The following RAF1 variants were observed in gnomAD, a reference collection of about 807,000 sequenced individuals.
RAF1 encodes the protein RAF proto-oncogene serine/threonine-protein kinase.
A neutral mutation model predicts 81.1 loss-of-function variants in RAF1; 27 were observed. That is an observed-to-expected ratio of 0.33 (90% confidence interval 0.25 to 0.46). The LOEUF is 0.46. RAF1 is among the 20% of genes least tolerant of loss of function. The probability of loss-of-function intolerance (pLI) is 1.00; values close to 1 mark genes in which losing one functional copy is unlikely to be tolerated. For missense variants in RAF1, 598 were observed against 826.0 expected (o/e 0.72, Z 3.38); for synonymous variants, 298 against 294.0 (o/e 1.01, Z -0.14).
At chr3:12,603,811 A>T (rs962288775) in intron 7 of RAF1, among the ~76,000 whole-genome samples, 1 of 152,176 alleles carries the variant, frequency 6.6e-6, no homozygotes, top group Non-Finnish European at 1.5e-5. Context: ...CATCACTGTT[A>T]ATTTCTGTCC....
intron 1 of RAF1, among the ~76,000 whole-genome samples, chr3:12,656,916 GAA>G (rs2060711709): frequency 6.6e-6 from 1 of 150,930 alleles, no homozygotes; most frequent in African/African-American, 2.4e-5. Context: ...AGAATCACTT[GAA>G]CCCGGGAGAC....
intron 7 of RAF1, chr3:12,603,657 G>C (rs1471611597): frequency 1.8e-6 from 1 of 551,160 alleles, no homozygotes; most frequent in East Asian, 2.9e-5. Context: ...TAACCAAAAA[G>C]CCAAGAGAAG....
intron 2 of RAF1, 81 bp from the exon 3 acceptor site, chr3:12,612,143 G>C: frequency 1.8e-6 from 2 of 1,087,786 alleles, no homozygotes; most frequent in Non-Finnish European, 2.8e-6. Flanking sequence ...AAATGCACCA[G>C]TCTGTATTGC....
At chr3:12,585,344 T>C in intron 15 of RAF1, 91 bp from the exon 15 acceptor site, 1 of 1,586,328 alleles carries the variant, frequency 6.3e-7, no homozygotes, top group South Asian at 1.1e-5. Context: ...TTTCATTAGT[T>C]ATGAATGAGT....
At chr3:12,644,206 A>C (rs778070032) in intron 1 of RAF1, among the ~76,000 whole-genome samples, 75 of 152,338 alleles carry the variant, frequency 4.9e-4, no homozygotes, top group Non-Finnish European at 7.9e-4. Context: ...CAATTATTAA[A>C]AACTTACTAC....
At chr3:12,620,784 T>G (rs2059533687) in intron 1 of RAF1, among the ~76,000 whole-genome samples, 3 of 152,284 alleles carry the variant, frequency 2.0e-5, no homozygotes, top group African/African-American at 7.2e-5. Flanking sequence ...CTTTCTTTTT[T>G]GGACACAGAA....
intron 2 of RAF1, among the ~76,000 whole-genome samples, chr3:12,617,909 A>G (rs1255463376): frequency 1.3e-5 from 2 of 151,730 alleles, no homozygotes; most frequent in South Asian, 4.2e-4. Context: ...AAAAAGAAAA[A>G]GAAATTTTCT....
At chr3:12,603,783 A>G (rs2058938770) in intron 7 of RAF1, among the ~76,000 whole-genome samples, 1 of 152,268 alleles carries the variant, frequency 6.6e-6, no homozygotes, top group South Asian at 2.1e-4. Context: ...AAAGTCTTCC[A>G]GAGAATCTGT....
intron 1 of RAF1, among the ~76,000 whole-genome samples, chr3:12,655,509 A>C (rs1559493331): frequency 6.6e-6 from 1 of 152,244 alleles, no homozygotes; most frequent in Non-Finnish European, 1.5e-5. Context: ...TGTGCAAAAC[A>C]GTTTGGCAGT....
intron 5 of RAF1, chr3:12,608,510 C>A: frequency 1.9e-6 from 1 of 522,234 alleles, no homozygotes; most frequent in South Asian, 2.2e-5. Context: ...CCTTTCCTTA[C>A]TGAATCACAG....
intron 1 of RAF1, among the ~76,000 whole-genome samples, chr3:12,636,293 C>CA (rs202175442): frequency 0.26 from 35,656 of 138,660 alleles, 5,208 homozygotes; most frequent in South Asian, 0.52. Context: ...TTCAAAAAAA[C>CA]AAAAAAAAAA....
At chr3:12,637,027 GAAGA>G (rs2060052169) in intron 1 of RAF1, among the ~76,000 whole-genome samples, 1 of 152,118 alleles carries the variant, frequency 6.6e-6, no homozygotes, top group Admixed American at 6.6e-5. Context: ...GAATTGCAGT[GAAGA>G]ATGAATAAGA....
chr3:12,592,018 T>A (rs2058531026), intron 11 of RAF1: 1 of 570,802 alleles, frequency 1.8e-6, no homozygotes, highest in Non-Finnish European at 3.1e-6. Context: ...GCTTAAGCAA[T>A]CCTCCCACCT....
chr3:12,614,483 A>C (rs932818220), intron 2 of RAF1, among the ~76,000 whole-genome samples: 4 of 152,062 alleles, frequency 2.6e-5, no homozygotes, highest in African/African-American at 9.7e-5. Context: ...TCTAGGCTGG[A>C]ATACAATGGC....
chr3:12,632,343 A>T (rs997749846), intron 1 of RAF1, among the ~76,000 whole-genome samples: 2 of 143,698 alleles, frequency 1.4e-5, no homozygotes, highest in South Asian at 2.1e-4. Flanking sequence ...AAAAAAAAAG[A>T]GTAGGCTTGG....
chr3:12,635,011 AT>A (rs1360273959), intron 1 of RAF1, among the ~76,000 whole-genome samples: 2 of 152,152 alleles, frequency 1.3e-5, no homozygotes, highest in Non-Finnish European at 2.9e-5. Context: ...AGGTGCTAGT[AT>A]ATGTTTAATA....
intron 2 of RAF1, among the ~76,000 whole-genome samples, chr3:12,612,570 A>T (rs2059247538): frequency 6.6e-6 from 1 of 150,450 alleles, no homozygotes; most frequent in Non-Finnish European, 1.5e-5. Flanking sequence ...AATTGCTGGA[A>T]CCCAGGAGGG....
chr3:12,627,822 T>C (rs1250869283), intron 1 of RAF1, among the ~76,000 whole-genome samples: 1 of 152,244 alleles, frequency 6.6e-6, no homozygotes, highest in African/African-American at 2.4e-5. Context: ...ATATTTCTTT[T>C]AGAAAGTTAG....
chr3:12,587,514 T>A (rs372519468), intron 14 of RAF1, 77 bp downstream of exon 13: 4 of 1,349,782 alleles, frequency 3.0e-6, no homozygotes, highest in Non-Finnish European at 4.3e-6. Flanking sequence ...CGAGAGCCAC[T>A]TGTGATAGAA....
Sources: gnomAD v4.1 joint callset for allele counts (sites outside exome capture counted in the v4.1 genomes callset) on GRCh38, gnomAD v4.1.1 for gene constraint, MANE v1.5 for transcripts, NCBI Gene and HGNC (gene_info 2026-07-23, HGNC 2026-07-21) for gene names.